KAZN: variants seen among roughly 807,000 people sequenced by gnomAD.
The protein encoded by KAZN is kazrin.
KAZN carries 40 observed loss-of-function variants against 87.4 expected under a neutral mutation model. That is an observed-to-expected ratio of 0.46 (90% CI 0.36 to 0.60). The LOEUF is 0.60. Among genes scored for constraint, KAZN ranks in the 20% least tolerant of loss-of-function variants. The probability of loss-of-function intolerance (pLI) is 0.00; values close to 1 mark genes in which losing one functional copy is unlikely to be tolerated. For missense variants in KAZN, 898 were observed against 1,073.9 expected (o/e 0.84, Z 2.29); for synonymous variants, 466 against 458.3 (o/e 1.02, Z -0.22).
intron 1 of KAZN, among the ~76,000 whole-genome samples, chr1:13,988,530 C>T (rs1639128689): frequency 6.6e-6 from 1 of 152,104 alleles, no homozygotes; most frequent in South Asian, 2.1e-4. Context: ...AAAGACAGCG[C>T]ATGGGGTGTC....
At chr1:14,092,770 T>C (rs1644036375) in intron 1 of KAZN, among the ~76,000 whole-genome samples, 1 of 152,222 alleles carries the variant, frequency 6.6e-6, no homozygotes, top group South Asian at 2.1e-4. Flanking sequence ...TATCTCCTGG[T>C]TGAGTAGTTG....
chr1:13,963,629 A>G (rs554180377), intron 1 of KAZN, among the ~76,000 whole-genome samples: 1 of 152,212 alleles, frequency 6.6e-6, no homozygotes, highest in Non-Finnish European at 1.5e-5. Context: ...GCCACTTCTT[A>G]TCTCCCTTAA....
chr1:13,899,846 G>A (rs1639181615), intron 1 of KAZN, among the ~76,000 whole-genome samples: 2 of 152,060 alleles, frequency 1.3e-5, no homozygotes, highest in African/African-American at 4.8e-5. Flanking sequence ...GTTTCACCAT[G>A]TTGGTCAGTC....
rs565713742 is a variant in KAZN at position 14,634,091 on chromosome 1, T to C, written c.226+34868T>C. On this transcript the variant is annotated intron_variant, in intron 1 of 14. Coordinates refer to ENST00000376030, the MANE Select transcript of KAZN (RefSeq NM_201628.3). ...ATAGGGTTTGCAGAGAGGGACCCAT[T>C]CTTTTCCCTCTCTTTGCATGCCTAG... is the stretch of plus-strand genomic sequence containing the variant. Among the ~76,000 whole-genome samples, 10 of 152,254 alleles carry C rather than the reference T, an allele frequency of 6.6e-5. No homozygotes were observed. In the South Asian group the frequency reaches 2.1e-3, roughly 32 times the overall value.
intron 2 of KAZN, among the ~76,000 whole-genome samples, chr1:14,342,140 T>A (rs763387581): frequency 4.6e-5 from 7 of 152,342 alleles, no homozygotes; most frequent in Middle Eastern, 6.8e-3. Context: ...GCTCCATCCA[T>A]GTCCCTGCAA....
At chr1:14,302,995 T>C (rs1654665104) in intron 2 of KAZN, among the ~76,000 whole-genome samples, 1 of 152,208 alleles carries the variant, frequency 6.6e-6, no homozygotes, top group South Asian at 2.1e-4. Flanking sequence ...ATTTTTGTTA[T>C]GTCTTTGCCT....
At chr1:15,015,930 C>T (rs1161223820) in intron 2 of KAZN, among the ~76,000 whole-genome samples, 2 of 152,170 alleles carry the variant, frequency 1.3e-5, no homozygotes, top group Non-Finnish European at 2.9e-5. Flanking sequence ...GGGCAGGGCG[C>T]CCCCACTTAA....
chr1:14,619,579 C>T (rs950951689), intron 1 of KAZN, among the ~76,000 whole-genome samples: 1 of 152,158 alleles, frequency 6.6e-6, no homozygotes, highest in African/African-American at 2.4e-5. Flanking sequence ...ATGTGCAATT[C>T]ACTGGCGTTA....
At chr1:14,660,770 G>A (rs1417735196) in intron 1 of KAZN, among the ~76,000 whole-genome samples, 3 of 152,008 alleles carry the variant, frequency 2.0e-5, no homozygotes, top group East Asian at 3.9e-4. Flanking sequence ...ATAACCAGGC[G>A]GCTGTGATTG....
At chr1:14,419,548 C>T (rs898292244) in intron 2 of KAZN, among the ~76,000 whole-genome samples, 12 of 152,226 alleles carry the variant, frequency 7.9e-5, no homozygotes, top group Admixed American at 7.2e-4. Flanking sequence ...TTTGTGGGTT[C>T]TTGGTCTCAC....
chr1:14,222,988 C>T (rs1647141212), intron 2 of KAZN: 1 of 152,086 alleles, frequency 6.6e-6, no homozygotes, highest in South Asian at 2.1e-4. Context: ...AATTATTAAG[C>T]TATAGTAGGA....
At chr1:14,982,415 AG>A (rs1666343085) in intron 2 of KAZN, among the ~76,000 whole-genome samples, 1 of 118,610 alleles carries the variant, frequency 8.4e-6, no homozygotes. Flanking sequence ...TCAGCACCTG[AG>A]ATTTTTTTTT....
At chr1:14,053,017 G>C (rs760964787) in intron 1 of KAZN, among the ~76,000 whole-genome samples, 2 of 152,176 alleles carry the variant, frequency 1.3e-5, no homozygotes, top group African/African-American at 2.4e-5. Flanking sequence ...TGTGGGCAGG[G>C]CCGGTGCCTC....
At chr1:14,356,238 T>A (rs994587720) in intron 2 of KAZN, among the ~76,000 whole-genome samples, 2 of 152,184 alleles carry the variant, frequency 1.3e-5, no homozygotes, top group Non-Finnish European at 2.9e-5. Context: ...TTTTGAGAAG[T>A]GTCTGTTCAT....
At chr1:14,408,623 CCTT>C (rs1184243948) in intron 2 of KAZN, among the ~76,000 whole-genome samples, 5 of 152,192 alleles carry the variant, frequency 3.3e-5, no homozygotes, top group African/African-American at 4.8e-5. Flanking sequence ...CTCTGGCTAA[CCTT>C]CTTATAAGGA....
At chr1:14,055,604 T>G (rs1004518325) in intron 1 of KAZN, among the ~76,000 whole-genome samples, 3 of 152,156 alleles carry the variant, frequency 2.0e-5, no homozygotes, top group African/African-American at 7.2e-5. Context: ...AGGAAAGCCC[T>G]TCTCCCCACA....
intron 1 of KAZN, among the ~76,000 whole-genome samples, chr1:14,825,604 A>G (rs1646861322): frequency 6.6e-6 from 1 of 152,232 alleles, no homozygotes; most frequent in African/African-American, 2.4e-5. Context: ...AAACTGAGGC[A>G]CAAAGAGACT....
chr1:14,844,914 G>T (rs1431970108), intron 1 of KAZN, among the ~76,000 whole-genome samples: 1 of 152,106 alleles, frequency 6.6e-6, no homozygotes, highest in African/African-American at 2.4e-5. Flanking sequence ...TGGTGTTTTG[G>T]TGGGTGGGGA....
intron 1 of KAZN, among the ~76,000 whole-genome samples, chr1:14,862,858 C>T (rs1651027024): frequency 1.3e-5 from 2 of 152,160 alleles, no homozygotes; most frequent in Non-Finnish European, 2.9e-5. Flanking sequence ...TATTAGCTAT[C>T]GATGACTAGT....
Sources: gnomAD v4.1 joint callset for allele counts (sites outside exome capture counted in the v4.1 genomes callset) on GRCh38, gnomAD v4.1.1 for gene constraint, MANE v1.5 for transcripts, NCBI Gene and HGNC (gene_info 2026-07-23, HGNC 2026-07-21) for gene names.